Variants in SLC22A25 observed in about 807,000 individuals in gnomAD.
The protein encoded by SLC22A25 is solute carrier family 22 member 25.
Under a neutral mutation model 45.9 loss-of-function variants are expected in SLC22A25, and 44 were observed. The observed-to-expected ratio is 0.96, with a 90% CI of 0.75 to 1.23. The LOEUF is 1.23. Among genes scored for constraint, SLC22A25 ranks in the 50% most tolerant of loss-of-function variants. SLC22A25 has a pLI of 0.00. For synonymous variants in SLC22A25, 283 were observed against 238.6 expected, an observed-to-expected ratio of 1.19 and a Z score of -1.72; for missense variants, 800 against 666.4, an observed-to-expected ratio of 1.20 and a Z score of -2.21.
intron 2 of SLC22A25, 91 bp downstream of exon 2, chr11:63,238,626 A>G (rs1297226287): frequency 6.5e-6 from 1 of 153,596 alleles, no homozygotes; most frequent in Admixed American, 6.5e-5. Context: ...ATAAGCACCT[A>G]CATGTGACAA....
At chr11:63,175,125 T>C (rs2088038693) in intron 9 of SLC22A25, among the ~76,000 whole-genome samples, 1 of 152,146 alleles carries the variant, frequency 6.6e-6, no homozygotes, top group African/African-American at 2.4e-5. Context: ...ATTTCAATTG[T>C]TTCTTTGAAA....
intron 8 of SLC22A25, 126 bp downstream of exon 8, chr11:63,183,568 C>A: frequency 8.3e-7 from 1 of 1,199,190 alleles, no homozygotes; most frequent in Admixed American, 2.0e-5. Context: ...TGAGAATGAT[C>A]GTGAGGTGAG....
At position 63,202,907 on chromosome 11, in the gene SLC22A25, C is replaced by G. The variant is rs190184904; in HGVS notation, c.830+14407G>C. ...TTGACAGACACCTCATACAGGAGAGCTCCAGCTGGCATCTGGCAGGTGCCC... is the reference window on the plus strand; with the variant it reads ...TTGACAGACACCTCATACAGGAGAGGTCCAGCTGGCATCTGGCAGGTGCCC... On this transcript the variant is annotated intron_variant, in intron 7 of 11. Coordinates refer to ENST00000306494, the MANE Select transcript of SLC22A25 (RefSeq NM_199352.6). Among the ~76,000 whole-genome samples the G allele has an allele frequency of 1.3e-3, 196 of 152,312 alleles. 3 individuals carry two copies. Among genetic ancestry groups the G allele is most frequent in the African/African-American group, 4.5e-3 (189 of 41,576 alleles).
At chr11:63,174,886 G>A (rs984323361) in intron 9 of SLC22A25, among the ~76,000 whole-genome samples, 1 of 152,010 alleles carries the variant, frequency 6.6e-6, no homozygotes, top group Non-Finnish European at 1.5e-5. Flanking sequence ...GGGAATTGGC[G>A]GTGTTTGTCC....
At chr11:63,197,962 A>T (rs1278392973) in intron 7 of SLC22A25, among the ~76,000 whole-genome samples, 1 of 152,264 alleles carries the variant, frequency 6.6e-6, no homozygotes, top group Non-Finnish European at 1.5e-5. Context: ...CAGCCAAAAA[A>T]CACATGAAAA....
intron 7 of SLC22A25, among the ~76,000 whole-genome samples, chr11:63,214,302 G>A (rs1003477048): frequency 1.3e-5 from 2 of 152,140 alleles, no homozygotes; most frequent in East Asian, 1.9e-4. Context: ...AATATCAGCC[G>A]CTGCCAGTAG....
At chr11:63,227,198 C>T (rs1459452264) in intron 5 of SLC22A25, among the ~76,000 whole-genome samples, 1 of 151,920 alleles carries the variant, frequency 6.6e-6, no homozygotes, top group Non-Finnish European at 1.5e-5. Context: ...CTCTCCTTTT[C>T]TCAAGCAGAA....
At chr11:63,191,563 T>A (rs911623326) in intron 7 of SLC22A25, among the ~76,000 whole-genome samples, 1 of 152,106 alleles carries the variant, frequency 6.6e-6, no homozygotes, top group African/African-American at 2.4e-5. Flanking sequence ...CTGCACCCAC[T>A]GTCTGACACT....
At position 63,163,980 on chromosome 11, in the gene SLC22A25, C is replaced by G. The variant is rs1167979823; in HGVS notation, c.1488G>C (p.Leu496=). Residue 496 remains leucine, a synonymous_variant, in exon 12 of 12, where the codon CTG becomes CTC. Coordinates refer to ENST00000306494, the MANE Select transcript of SLC22A25 (RefSeq NM_199352.6). ...MMILSIYSRP[L]PWIIYGVFAI... ...CAAAGACTCCATAGATGATCCAGGG[C>G]AGGGGTCGAGAATATATGCTTAGGA... 6.2e-7 allele frequency: 1 copy of G among 1,613,848 alleles called. No homozygotes were observed. The highest frequency in any genetic ancestry group is 1.3e-5 in the African/African-American group (1 of 74,994).
chr11:63,167,927 A>G (rs1166586686), intron 9 of SLC22A25: 7 of 404,764 alleles, frequency 1.7e-5, no homozygotes, highest in Non-Finnish European at 2.9e-5. Flanking sequence ...TCTGGCTGGC[A>G]TCAGGCAGGT....
intron 7 of SLC22A25, among the ~76,000 whole-genome samples, chr11:63,191,511 C>T (rs908501796): frequency 2.6e-5 from 4 of 152,146 alleles, no homozygotes; most frequent in African/African-American, 4.8e-5. Flanking sequence ...GGCAATGCCT[C>T]ACCCTGCTTC....
intron 7 of SLC22A25, among the ~76,000 whole-genome samples, chr11:63,201,727 C>T (rs1180500926): frequency 2.6e-5 from 4 of 152,102 alleles, no homozygotes; most frequent in African/African-American, 7.2e-5. Flanking sequence ...AGACAACCTA[C>T]AGAATGGGAG....
At chr11:63,222,550 G>A (rs1169005623) in intron 5 of SLC22A25, among the ~76,000 whole-genome samples, 1 of 151,962 alleles carries the variant, frequency 6.6e-6, no homozygotes, top group Non-Finnish European at 1.5e-5. Context: ...CCAAATAGAA[G>A]ATCATATAGT....
At chr11:63,193,755 T>C (rs990339530) in intron 7 of SLC22A25, among the ~76,000 whole-genome samples, 8 of 152,138 alleles carry the variant, frequency 5.3e-5, no homozygotes, top group African/African-American at 1.9e-4. Context: ...GTGCCTCTTC[T>C]CCTCCAAAGG....
At chr11:63,214,219 G>T (rs2089652513) in intron 7 of SLC22A25, among the ~76,000 whole-genome samples, 1 of 152,130 alleles carries the variant, frequency 6.6e-6, no homozygotes, top group African/African-American at 2.4e-5. Context: ...AACCCAGTTT[G>T]TTAGGAGTAT....
At chr11:63,176,964 T>G (rs2088110856) in intron 9 of SLC22A25, among the ~76,000 whole-genome samples, 1 of 152,058 alleles carries the variant, frequency 6.6e-6, no homozygotes, top group South Asian at 2.1e-4. Context: ...ACTCAGTTTT[T>G]GTTTGTCTGG....
intron 5 of SLC22A25, among the ~76,000 whole-genome samples, chr11:63,227,773 C>A (rs149838596): frequency 1.3e-5 from 2 of 152,300 alleles, no homozygotes; most frequent in South Asian, 4.1e-4. Context: ...TTGTTTAGGA[C>A]GAGAGCACTT....
At position 63,195,592 on chromosome 11, in the gene SLC22A25, C is replaced by T. The variant is rs2088993200; in HGVS notation, c.831-11775G>A. Among the ~76,000 whole-genome samples the T allele has an allele frequency of 2.0e-5, 3 of 152,102 alleles. No individual in the cohort carries two copies. The East Asian group carries it at 5.8e-4, about 29-fold the overall frequency. On this transcript the variant is annotated intron_variant, in intron 7 of 11. Transcript: ENST00000306494. ...ACACAACATACCAGAATCTCTGGGA[C>T]ACATTCAAAGCAGTGTGTAGAGGGA...
At chr11:63,173,431 C>T (rs547721990) in intron 9 of SLC22A25, among the ~76,000 whole-genome samples, 1 of 152,100 alleles carries the variant, frequency 6.6e-6, no homozygotes, top group Non-Finnish European at 1.5e-5. Flanking sequence ...ATTCAACATA[C>T]ATTTGTATCT....
Sources: allele counts gnomAD v4.1 joint callset (sites outside exome capture counted in the v4.1 genomes callset), GRCh38; gene constraint gnomAD v4.1.1; transcripts MANE v1.5; gene names NCBI Gene and HGNC (gene_info 2026-07-23, HGNC 2026-07-21).